Variants in SLC68A1 observed in about 807,000 individuals in gnomAD.
SLC68A1 encodes major facilitator superfamily domain containing 13A.
At chr10:102,469,948 G>C in the SLC68A1 span, 1 of 1,601,446 alleles carries the variant, frequency 6.2e-7, no homozygotes, top group East Asian at 2.2e-5. Context: ...GCCCTGGAGA[G>C]GATGCTGTCT....
the SLC68A1 span, chr10:102,471,265 C>T: frequency 1.2e-6 from 2 of 1,613,008 alleles, no homozygotes; most frequent in Admixed American, 3.3e-5. Context: ...CTCCCTTCTG[C>T]CCCATAGCCT....
the SLC68A1 span, among the ~76,000 whole-genome samples, chr10:102,473,358 T>C: frequency 2.0e-5 from 3 of 152,198 alleles, no homozygotes; most frequent in African/African-American, 7.2e-5. Flanking sequence ...GGTTAGTTCA[T>C]CTTTTTGGGC....
the SLC68A1 span, chr10:102,462,077 G>C: frequency 6.6e-6 from 1 of 152,360 alleles, no homozygotes; most frequent in Non-Finnish European, 1.5e-5. Context: ...GGGAGGGAGA[G>C]GGAGAAGGTC....
chr10:102,471,981 G>T, the SLC68A1 span: 2 of 455,394 alleles, frequency 4.4e-6, no homozygotes, highest in Admixed American at 2.4e-5. Context: ...CCCCCTTTGG[G>T]GACCCTCTAA....
At chr10:102,461,714 G>A in the SLC68A1 span, among the ~76,000 whole-genome samples, 3 of 152,178 alleles carry the variant, frequency 2.0e-5, no homozygotes, top group Non-Finnish European at 4.4e-5. Flanking sequence ...GATGCAGTGG[G>A]TCAAATAGCT....
At chr10:102,462,502 T>A in the SLC68A1 span, among the ~76,000 whole-genome samples, 3 of 152,192 alleles carry the variant, frequency 2.0e-5, no homozygotes, top group Admixed American at 2.0e-4. Flanking sequence ...AGTTCGGCAT[T>A]CTTGGTTTCC....
At chr10:102,470,089 G>T in the SLC68A1 span, 1 of 1,612,642 alleles carries the variant, frequency 6.2e-7, no homozygotes, top group Non-Finnish European at 8.5e-7. Flanking sequence ...GGTGTATTGG[G>T]AACAGCTCGT....
the SLC68A1 span, chr10:102,470,004 C>T: frequency 9.3e-6 from 15 of 1,614,014 alleles, no homozygotes; most frequent in Non-Finnish European, 1.3e-5. Context: ...CAGTGTTTCT[C>T]CTCTGGAACA....
chr10:102,471,162 C>G, the SLC68A1 span: 2 of 1,597,792 alleles, frequency 1.3e-6, no homozygotes, highest in East Asian at 2.2e-5. Context: ...CAGCAACCTT[C>G]TAAGTCTGAT....
chr10:102,472,750 C>T, the SLC68A1 span: 1 of 853,204 alleles, frequency 1.2e-6, no homozygotes, highest in Non-Finnish European at 2.0e-6. Context: ...TCTTGCTGCT[C>T]TGAGGATGGG....
At chr10:102,472,423 C>T in the SLC68A1 span, among the ~76,000 whole-genome samples, 1 of 152,058 alleles carries the variant, frequency 6.6e-6, no homozygotes, top group African/African-American at 2.4e-5. Context: ...ACACAACACC[C>T]GACTAAGTTT....
At chr10:102,474,078 G>A in the SLC68A1 span, 6 of 1,469,700 alleles carry the variant, frequency 4.1e-6, no homozygotes, top group Non-Finnish European at 5.4e-6. Flanking sequence ...TGGCACAGTG[G>A]CTGGCAAGCC....
chr10:102,467,276 TCTG>T, the SLC68A1 span, among the ~76,000 whole-genome samples: 1 of 152,224 alleles, frequency 6.6e-6, no homozygotes, highest in Non-Finnish European at 1.5e-5. Flanking sequence ...CCTCAAGTGA[TCTG>T]CCCACCTTGG....
At chr10:102,469,129 C>A in the SLC68A1 span, 13 of 1,614,192 alleles carry the variant, frequency 8.1e-6, no homozygotes, top group South Asian at 1.4e-4. Flanking sequence ...CAATGTCTTC[C>A]TGCTCTACTA....
At chr10:102,470,520 A>T in the SLC68A1 span, 1 of 1,317,796 alleles carries the variant, frequency 7.6e-7, no homozygotes, top group South Asian at 1.4e-5. Flanking sequence ...TAAGTTGCAG[A>T]CTGGGGACTT....
chr10:102,468,666 CAAAA>C, the SLC68A1 span: 4 of 160,952 alleles, frequency 2.5e-5, no homozygotes, highest in South Asian at 1.1e-4. Context: ...GACTCTGTCT[CAAAA>C]AAAAAAAAAA....
chr10:102,475,937 C>T, the SLC68A1 span: 83 of 1,613,054 alleles, frequency 5.1e-5, no homozygotes, highest in Middle Eastern at 1.7e-4. Context: ...CAAGGCCCAG[C>T]GCCAGAACCT....
the SLC68A1 span, chr10:102,468,942 C>T: frequency 8.5e-6 from 10 of 1,180,878 alleles, no homozygotes; most frequent in African/African-American, 1.5e-4. Context: ...CTCACTGGTT[C>T]CTTCTTCCCC....
the SLC68A1 span, chr10:102,472,797 G>A: frequency 7.4e-7 from 1 of 1,346,646 alleles, no homozygotes; most frequent in Non-Finnish European, 1.1e-6. Flanking sequence ...GTTGGCTTCT[G>A]GCCTTGTCAG....
Sources: allele counts gnomAD v4.1 joint callset (sites outside exome capture counted in the v4.1 genomes callset), GRCh38; gene constraint gnomAD v4.1.1; transcripts MANE v1.5; gene names NCBI Gene and HGNC (gene_info 2026-07-23, HGNC 2026-07-21).